Variants in C5orf58 observed in about 807,000 individuals in gnomAD.
C5orf58 encodes the protein chromosome 5 open reading frame 58, also known as putative uncharacterized protein C5orf58.
A neutral mutation model predicts 2.9 loss-of-function variants in C5orf58; 2 were observed. The ratio of observed to expected loss-of-function variants is 0.69; its 90% confidence interval spans 0.28 to 2.18. The LOEUF (loss-of-function observed/expected upper bound fraction) is 2.18. Ranked by LOEUF, C5orf58 falls within the 30% of genes most tolerant of loss-of-function variation. The pLI, the probability that C5orf58 is intolerant of heterozygous loss-of-function variation, is 0.13. For synonymous variants in C5orf58, 37 were observed against 33.4 expected, an observed-to-expected ratio of 1.11 and a Z score of -0.37; for missense variants, 96 against 91.7, an observed-to-expected ratio of 1.05 and a Z score of -0.19.
chr5:170,238,351 C>T (rs1490774356), intron 3 of C5orf58, among the ~76,000 whole-genome samples: 1 of 152,064 alleles, frequency 6.6e-6, no homozygotes, highest in Non-Finnish European at 1.5e-5. Context: ...TGACCATAGA[C>T]ATGAAAAACT....
chr5:170,251,311 C>T (rs190464896), intron 2 of C5orf58: 73 of 193,616 alleles, frequency 3.8e-4, no homozygotes, highest in Middle Eastern at 2.3e-3. Flanking sequence ...AGTCAGAAAA[C>T]ATCCACATGC....
In C5orf58 at chr5:170,235,029, A is replaced by AAAATATT. The variant is rs753722307; in HGVS notation, c.56_62dup (p.Asn21LysfsTer3). The stretch of plus-strand genomic sequence containing the variant: ...AAGCTAAATGTGGACAAAGTAATTA[A>AAAATATT]AAATATTAACACAATTTCTTCGGAG... On this transcript the variant is annotated frameshift_variant, in exon 3 of 4. Coordinates refer to ENST00000593851, the MANE Select transcript of C5orf58 (RefSeq NM_001102609.3). LOFTEE classifies it high-confidence loss of function. 1 of 1,548,708 alleles carries AAAATATT rather than the reference A, an allele frequency of 6.5e-7. No individual in the cohort carries two copies. Among genetic ancestry groups the AAAATATT allele is most frequent in the Non-Finnish European group, 8.8e-7 (1 of 1,130,250 alleles).
chr5:170,243,771 C>G (rs1471226722), intron 3 of C5orf58, among the ~76,000 whole-genome samples: 2 of 150,884 alleles, frequency 1.3e-5, no homozygotes, highest in African/African-American at 4.9e-5. Flanking sequence ...GCATTTAGTC[C>G]ATTTACATTT....
downstream of C5orf58, chr5:170,248,777 T>G (rs1761358075): frequency 1.9e-6 from 3 of 1,611,962 alleles, no homozygotes; most frequent in East Asian, 6.7e-5. Flanking sequence ...AGAAGTGGCA[T>G]TTTCCTGAAG....
chr5:170,244,719 T>G (rs2113126682), intron 3 of C5orf58, among the ~76,000 whole-genome samples: 1 of 152,240 alleles, frequency 6.6e-6, no homozygotes, highest in South Asian at 2.1e-4. Context: ...TTGCCTTTGG[T>G]TTGAATGTCC....
intron 2 of C5orf58, among the ~76,000 whole-genome samples, chr5:170,234,679 AG>A (rs1239597425): frequency 3.3e-5 from 5 of 152,204 alleles, no homozygotes; most frequent in Non-Finnish European, 5.9e-5. Context: ...GTAGTTTATA[AG>A]GGCTGAGGCT....
Position 170,246,046 on chromosome 5 carries a change from A to C in C5orf58, c.179A>C (p.Asn60Thr). 1 of 1,613,758 alleles carries C rather than the reference A, an allele frequency of 6.2e-7. No homozygotes were observed. Among genetic ancestry groups the C allele is most frequent in the Non-Finnish European group, 8.5e-7 (1 of 1,179,704 alleles). The change falls in exon 4 of 4, where the codon AAC becomes ACC. Residue 60 changes from asparagine to threonine, a missense_variant. Coordinates refer to ENST00000593851, the MANE Select transcript of C5orf58 (RefSeq NM_001102609.3). The stretch of plus-strand genomic sequence containing the variant: ...GAGAACTTAGCAGAAGCAGAAAGAA[A>C]CAACCCCCTCTTTGAAGAGTCTAAA... Reference protein sequence around the residue: ...KTENLAEAERNNPLFEESKIS... With the variant: ...KTENLAEAERTNPLFEESKIS...
At chr5:170,252,514 G>GA, downstream of C5orf58, 1 of 1,489,978 alleles carries the variant, frequency 6.7e-7, no homozygotes, top group Non-Finnish European at 9.3e-7. Flanking sequence ...AATGAATTCT[G>GA]AAAATGTAAA....
At chr5:170,250,713 A>G (rs764672693), downstream of C5orf58, 11 of 1,609,902 alleles carry the variant, frequency 6.8e-6, no homozygotes, top group East Asian at 1.1e-4. Flanking sequence ...GAAAATGTCG[A>G]AATTTGAAAT....
At position 170,246,206 on chromosome 5, in the gene C5orf58, CAAAATA is replaced by C. The variant is rs1254744356; in HGVS notation, c.*101_*106del. ...TAATTTGTATATATATAATTTAAAACAAAATAAAAATAATGTAAACAAGCAGTTCAT... is the reference window on the plus strand; with the variant it reads ...TAATTTGTATATATATAATTTAAAACAAAATAATGTAAACAAGCAGTTCAT... On this transcript the variant is annotated 3_prime_UTR_variant, in exon 4 of 4. Transcript: ENST00000593851. 46 of 1,026,082 alleles carry C rather than the reference CAAAATA, an allele frequency of 4.5e-5. No homozygotes were observed. The highest frequency in any genetic ancestry group is 4.6e-5 in the Non-Finnish European group (34 of 732,504). 63.6% of individuals were successfully genotyped at this position (1,026,082 alleles called of 1,614,324 possible).
downstream of C5orf58, chr5:170,248,954 G>T: frequency 1.2e-6 from 1 of 823,452 alleles, no homozygotes; most frequent in Non-Finnish European, 1.9e-6. Flanking sequence ...ATGTAAATGT[G>T]GCAATTAGTT....
chr5:170,240,933 A>C (rs1250269252), intron 3 of C5orf58, among the ~76,000 whole-genome samples: 5 of 151,746 alleles, frequency 3.3e-5, no homozygotes, highest in Non-Finnish European at 7.4e-5. Flanking sequence ...TCTTTAATCC[A>C]TCTTGAATTG....
intron 3 of C5orf58, among the ~76,000 whole-genome samples, chr5:170,236,489 C>T (rs764526550): frequency 1.1e-3 from 166 of 152,326 alleles, no homozygotes; most frequent in African/African-American, 3.7e-3. Flanking sequence ...AAACCAGCTT[C>T]AACACCACAG....
Position 170,234,186 on chromosome 5 carries a change from G to A in C5orf58, c.-13G>A. On this transcript the variant is annotated 5_prime_UTR_variant, in exon 2 of 4. Transcript: ENST00000593851. ...CTGCTCAGGAAAAGGTAGAGGCAAG[G>A]ATTGACTTAAAGGTTAGTTTGTTTT... The A allele has an allele frequency of 7.3e-7, 1 of 1,367,302 alleles. No individual in the cohort carries two copies. The highest frequency in any genetic ancestry group is 9.8e-7 in the Non-Finnish European group (1 of 1,021,510). 84.7% of individuals were successfully genotyped at this position (1,367,302 alleles called of 1,614,324 possible).
At chr5:170,242,110 G>A (rs1409854146) in intron 3 of C5orf58, among the ~76,000 whole-genome samples, 2 of 148,972 alleles carry the variant, frequency 1.3e-5, no homozygotes, top group East Asian at 4.0e-4. Context: ...AACCAGCCTT[G>A]CATCCCAGGG....
downstream of C5orf58, chr5:170,248,498 C>T: frequency 1.9e-6 from 1 of 534,470 alleles, no homozygotes; most frequent in Non-Finnish European, 3.3e-6. Flanking sequence ...ACTTTACAAA[C>T]ATTGAAGAAG....
Position 170,234,123 on chromosome 5 carries a change from C to G in C5orf58, c.-76C>G. 1 of 1,367,064 alleles carries G rather than the reference C, an allele frequency of 7.3e-7. No individual in the cohort carries two copies. The highest frequency in any genetic ancestry group is 9.8e-7 in the Non-Finnish European group (1 of 1,021,336). 84.7% of individuals were successfully genotyped at this position (1,367,064 alleles called of 1,614,324 possible). A position where few individuals can be genotyped will look rare whatever the true frequency, so the allele number is the denominator to read the frequency against. The stretch of plus-strand genomic sequence containing the variant: ...CTGGGAAACAAAATTAGTTTTTTTA[C>G]AGTGGCTCTGAAATGAGAGAAATTG... On this transcript the variant is annotated 5_prime_UTR_variant, in exon 2 of 4. Coordinates refer to ENST00000593851, the MANE Select transcript of C5orf58 (RefSeq NM_001102609.3).
chr5:170,250,840 T>C, downstream of C5orf58: 2 of 1,613,472 alleles, frequency 1.2e-6, no homozygotes, highest in Non-Finnish European at 8.5e-7. Flanking sequence ...ACATATGGAT[T>C]GGTTGTTGTT....
chr5:170,248,646 C>T (rs936064836), downstream of C5orf58: 10 of 1,604,878 alleles, frequency 6.2e-6, no homozygotes, highest in Non-Finnish European at 7.7e-6. Context: ...TGATTGATCT[C>T]GTGTTGGCAA....
Sources: allele counts gnomAD v4.1 joint callset (sites outside exome capture counted in the v4.1 genomes callset), GRCh38; gene constraint gnomAD v4.1.1; transcripts MANE v1.5; gene names NCBI Gene and HGNC (gene_info 2026-07-23, HGNC 2026-07-21).